LRRC4C: variants seen among roughly 807,000 people sequenced by gnomAD.
LRRC4C encodes leucine rich repeat containing 4C, also known as leucine-rich repeat-containing protein 4C.
A neutral mutation model predicts 33.6 loss-of-function variants in LRRC4C; 5 were observed. The observed-to-expected ratio is 0.15, with a 90% CI of 0.08 to 0.31. The LOEUF (loss-of-function observed/expected upper bound fraction) is 0.31. Ranked by LOEUF, LRRC4C falls within the 10% of genes least tolerant of loss-of-function variation. The pLI is 1.00. For missense variants in LRRC4C, 560 were observed against 796.7 expected, an observed-to-expected ratio of 0.70 and a Z score of 3.58; for synonymous variants, 329 against 302.0, an observed-to-expected ratio of 1.09 and a Z score of -0.93.
At chr11:41,245,513 C>T (rs1478610761) in intron 1 of LRRC4C, among the ~76,000 whole-genome samples, 4 of 152,170 alleles carry the variant, frequency 2.6e-5, no homozygotes, top group Non-Finnish European at 4.4e-5. Flanking sequence ...GCAGCTTCCA[C>T]GGCTGGCACT....
At chr11:41,225,677 T>G (rs934995662) in intron 1 of LRRC4C, among the ~76,000 whole-genome samples, 14 of 152,124 alleles carry the variant, frequency 9.2e-5, no homozygotes, top group Non-Finnish European at 2.1e-4. Context: ...TATATAAACA[T>G]TTTTTAAAGT....
chr11:41,020,728 A>G (rs771696609), intron 1 of LRRC4C, among the ~76,000 whole-genome samples: 3 of 152,184 alleles, frequency 2.0e-5, no homozygotes, highest in Admixed American at 1.3e-4. Flanking sequence ...TTAAAAAGCC[A>G]CAAGAAACTA....
At position 40,322,997 on chromosome 11, in the gene LRRC4C, G is replaced by T. The variant is rs112173173; in HGVS notation, c.-269-3276C>A. Reference sequence around the variant, plus strand: ...GAAAGAGACTAAAGTAACCAGCATTGTCATGGTAACTTTATTTGACTCACC... The same window carrying T: ...GAAAGAGACTAAAGTAACCAGCATTTTCATGGTAACTTTATTTGACTCACC... On this transcript the variant is annotated intron_variant, in intron 3 of 6. Transcript: ENST00000528697. Among the ~76,000 whole-genome samples, 78 of 152,264 alleles carry T rather than the reference G, an allele frequency of 5.1e-4. 6 individuals are homozygous for T. In the South Asian group the frequency reaches 0.012, roughly 24 times the overall value.
chr11:41,380,055 T>A (rs1953086032), intron 1 of LRRC4C, among the ~76,000 whole-genome samples: 1 of 152,052 alleles, frequency 6.6e-6, no homozygotes, highest in Admixed American at 6.6e-5. Context: ...CACTGTGCAA[T>A]GGGAAATTTT....
At chr11:41,241,145 TA>T (rs771346491) in intron 1 of LRRC4C, among the ~76,000 whole-genome samples, 10 of 152,138 alleles carry the variant, frequency 6.6e-5, no homozygotes, top group Admixed American at 5.9e-4. Flanking sequence ...TATCTCCTTT[TA>T]AAATGAGAAA....
chr11:40,975,705 G>A (rs1852033656), intron 1 of LRRC4C, among the ~76,000 whole-genome samples: 1 of 152,186 alleles, frequency 6.6e-6, no homozygotes, highest in African/African-American at 2.4e-5. Context: ...GCAGTAGAAT[G>A]ATTATTATCA....
At chr11:41,031,688 T>C (rs955200785) in intron 1 of LRRC4C, among the ~76,000 whole-genome samples, 3 of 151,922 alleles carry the variant, frequency 2.0e-5, no homozygotes, top group Admixed American at 2.0e-4. Context: ...CTAAATCCAG[T>C]GGGTAGAAAA....
At chr11:41,291,719 T>C (rs1949998909) in intron 1 of LRRC4C, among the ~76,000 whole-genome samples, 1 of 152,128 alleles carries the variant, frequency 6.6e-6, no homozygotes, top group Non-Finnish European at 1.5e-5. Flanking sequence ...AAGAGGAGAC[T>C]GAACAGATCT....
At chr11:40,956,795 A>G (rs1470024207) in intron 1 of LRRC4C, among the ~76,000 whole-genome samples, 1 of 151,658 alleles carries the variant, frequency 6.6e-6, no homozygotes, top group Non-Finnish European at 1.5e-5. Context: ...CCCCCCTCCC[A>G]TTCCAACCTT....
At chr11:40,907,400 G>C (rs544249297) in intron 2 of LRRC4C, among the ~76,000 whole-genome samples, 3 of 152,100 alleles carry the variant, frequency 2.0e-5, no homozygotes, top group Admixed American at 6.6e-5. Flanking sequence ...GAACATAATG[G>C]GGCAATCATT....
rs558488179 is a variant in LRRC4C, at chr11:41,041,849, C to G, written c.-495-108126G>C. ...ATACACTCAAATACATATAGTCACA[C>G]AATTATGGATTCACAAACACTGACA... is the stretch of plus-strand genomic sequence containing the variant. On this transcript the variant is annotated intron_variant, in intron 1 of 6. Transcript: ENST00000528697. Among the ~76,000 whole-genome samples the G allele has an allele frequency of 5.6e-4, 86 of 152,264 alleles. 1 individual carries two copies. Among genetic ancestry groups the G allele is most frequent in the Non-Finnish European group, 4.4e-4 (30 of 67,998 alleles).
intron 1 of LRRC4C, among the ~76,000 whole-genome samples, chr11:41,131,469 T>C (rs1943009613): frequency 2.0e-5 from 3 of 152,122 alleles, no homozygotes; most frequent in African/African-American, 2.4e-5. Context: ...TTTTGTATGA[T>C]ATTTTGACTT....
chr11:40,553,277 C>T (rs1565498482), intron 3 of LRRC4C, among the ~76,000 whole-genome samples: 1 of 95,226 alleles, frequency 1.1e-5, no homozygotes, highest in African/African-American at 3.6e-5. Flanking sequence ...GTCTAAAAAA[C>T]AAACAAAAAC....
chr11:40,320,922 G>A (rs762591233), intron 3 of LRRC4C, among the ~76,000 whole-genome samples: 3 of 152,018 alleles, frequency 2.0e-5, no homozygotes, highest in African/African-American at 2.4e-5. Flanking sequence ...GTTATTTGTA[G>A]GTAAGTTATA....
intron 2 of LRRC4C, among the ~76,000 whole-genome samples, chr11:40,879,047 C>G (rs988184046): frequency 6.6e-6 from 1 of 152,110 alleles, no homozygotes; most frequent in Non-Finnish European, 1.5e-5. Flanking sequence ...TCTTTAAAAA[C>G]ATATCATCTA....
intron 5 of LRRC4C, among the ~76,000 whole-genome samples, chr11:40,225,777 C>T (rs528065562): frequency 2.4e-4 from 36 of 151,994 alleles, no homozygotes; most frequent in Non-Finnish European, 2.1e-4. Flanking sequence ...CCACTACACC[C>T]GGCTAATATT....
At chr11:40,557,320 A>G (rs1272851797) in intron 3 of LRRC4C, among the ~76,000 whole-genome samples, 8 of 152,160 alleles carry the variant, frequency 5.3e-5, no homozygotes, top group Admixed American at 1.3e-4. Flanking sequence ...CTTGATTGTC[A>G]GAAGGTCACT....
chr11:41,427,198 T>C (rs1248152414), intron 1 of LRRC4C, among the ~76,000 whole-genome samples: 1 of 152,024 alleles, frequency 6.6e-6, no homozygotes, highest in African/African-American at 2.4e-5. Flanking sequence ...TTAGTTTTGA[T>C]GGGAAAAGTG....
At chr11:40,746,822 T>C (rs529950560) in intron 2 of LRRC4C, among the ~76,000 whole-genome samples, 3 of 152,256 alleles carry the variant, frequency 2.0e-5, no homozygotes, top group Admixed American at 6.5e-5. Flanking sequence ...CTGGTGCCTA[T>C]CTGTATGTCC....
Sources: gnomAD v4.1 joint callset for allele counts (sites outside exome capture counted in the v4.1 genomes callset) on GRCh38, gnomAD v4.1.1 for gene constraint, MANE v1.5 for transcripts, NCBI Gene and HGNC (gene_info 2026-07-23, HGNC 2026-07-21) for gene names.